Variants in ZC3H7A observed in about 807,000 individuals in gnomAD.
ZC3H7A encodes zinc finger CCCH domain-containing protein 7A.
A neutral mutation model predicts 125.5 loss-of-function variants in ZC3H7A; 44 were observed. That is an observed-to-expected ratio of 0.35 (90% CI 0.28 to 0.45). ZC3H7A has a LOEUF of 0.45. Among genes scored for constraint, ZC3H7A ranks in the 20% least tolerant of loss-of-function variants. The pLI is 1.00. For missense variants in ZC3H7A, 977 were observed against 1,170.7 expected (o/e 0.83, Z 2.41); for synonymous variants, 399 against 391.2 (o/e 1.02, Z -0.23).
In ZC3H7A at chr16:11,778,753, G is replaced by A. The variant is rs145252799; in HGVS notation, c.306+413C>T. Among the ~76,000 whole-genome samples the A allele has an allele frequency of 3.3e-3, 499 of 151,674 alleles. 2 individuals carry two copies. Among genetic ancestry groups the A allele is most frequent in the Middle Eastern group, 0.031 (9 of 294 alleles). ...TTTTGAGACGGAGTCTTGCTCTGTCGCCCAGGCTGGAGTGCAGTGGCACAA... is the reference window on the plus strand; with the variant it reads ...TTTTGAGACGGAGTCTTGCTCTGTCACCCAGGCTGGAGTGCAGTGGCACAA... On this transcript the variant is annotated intron_variant, in intron 4 of 22. Transcript: ENST00000355758.
Position 11,776,336 on chromosome 16 carries a change from C to G in ZC3H7A, c.569G>C (p.Gly190Ala), listed in dbSNP as rs1413748708. Residue 190 changes from glycine (G) to alanine (A), a missense_variant, in exon 7 of 23, where the codon GGG becomes GCG. Physicochemically the swap from Gly to Ala is moderately conservative, Grantham distance 60. This residue lies in a region of ZC3H7A where 199 missense variants were observed against 256.1 expected (regional missense o/e 0.78). Transcript: ENST00000355758. ...TAACTTTACCTTGGTAGCCCCATCC[C>G]CAGGAACTGATTTTAATGAGAGCTG... Reference protein sequence around the residue: ...RAELSLKSVPGDGATKALNHS... With the variant: ...RAELSLKSVPADGATKALNHS... 6.2e-7 allele frequency: 1 copy of G among 1,608,622 alleles called. No homozygotes were observed.
intron 8 of ZC3H7A, 144 bp downstream of exon 8, chr16:11,774,836 T>C (rs7206803): frequency 9.2e-5 from 97 of 1,051,328 alleles, no homozygotes; most frequent in Middle Eastern, 8.1e-4. Context: ...AAAGGGAGCA[T>C]TGGAAATCAT....
At chr16:11,773,058 G>C (rs2053014860) in intron 9 of ZC3H7A, among the ~76,000 whole-genome samples, 1 of 151,930 alleles carries the variant, frequency 6.6e-6, no homozygotes, top group Non-Finnish European at 1.5e-5. Flanking sequence ...GGTCCCTGTT[G>C]CAAGGACTCA....
At chr16:11,789,256 T>C (rs1156319864) in intron 1 of ZC3H7A, among the ~76,000 whole-genome samples, 2 of 152,170 alleles carry the variant, frequency 1.3e-5, no homozygotes, top group African/African-American at 2.4e-5. Context: ...TCTGTGTATA[T>C]GTTTGTTTGT....
At position 11,751,122 on chromosome 16, in the gene ZC3H7A, GC is replaced by G. The variant is rs2052546671; in HGVS notation, c.*194del. 1 of 516,564 alleles carries G rather than the reference GC, an allele frequency of 1.9e-6. No individual in the cohort carries two copies. Among genetic ancestry groups the G allele is most frequent in the Non-Finnish European group, 3.4e-6 (1 of 297,504 alleles). 32.0% of individuals were successfully genotyped at this position (516,564 alleles called of 1,614,324 possible). ...GGTAGCAGTCACTTCACCATCTGAT[GC>G]CAGTGGTTCCGTGAGAGCGTGGCCA... On this transcript the variant is annotated 3_prime_UTR_variant, in exon 23 of 23. Coordinates refer to ENST00000355758, the MANE Select transcript of ZC3H7A (RefSeq NM_014153.4).
chr16:11,768,575 A>G (rs534507368), intron 11 of ZC3H7A, 74 bp from the exon 12 acceptor site: 2 of 1,260,208 alleles, frequency 1.6e-6, no homozygotes, highest in African/African-American at 3.0e-5. Context: ...AAAGGAACTG[A>G]ATTCATCTGA....
chr16:11,755,079 GGC>G (rs2052619572), intron 21 of ZC3H7A, among the ~76,000 whole-genome samples: 1 of 150,900 alleles, frequency 6.6e-6, no homozygotes, highest in African/African-American at 2.4e-5. Context: ...CGTGGTGGCA[GGC>G]GCCTATAATC....
At chr16:11,758,837 A>G (rs1465830421) in intron 19 of ZC3H7A, 7 of 314,822 alleles carry the variant, frequency 2.2e-5, no homozygotes, top group Middle Eastern at 1.0e-3. Flanking sequence ...AATCTCCACA[A>G]TGAACATCCC....
chr16:11,783,386 A>T (rs1378183964), intron 1 of ZC3H7A, among the ~76,000 whole-genome samples: 1 of 152,172 alleles, frequency 6.6e-6, no homozygotes, highest in Non-Finnish European at 1.5e-5. Flanking sequence ...AAGTTCAAGG[A>T]GAGCCACAGA....
chr16:11,757,542 A>G (rs2052673239), intron 20 of ZC3H7A, among the ~76,000 whole-genome samples: 1 of 152,072 alleles, frequency 6.6e-6, no homozygotes, highest in Non-Finnish European at 1.5e-5. Flanking sequence ...CACTGTGCTA[A>G]AAACTCTGGT....
At chr16:11,757,695 G>C (rs557126768) in intron 20 of ZC3H7A, among the ~76,000 whole-genome samples, 2 of 151,990 alleles carry the variant, frequency 1.3e-5, no homozygotes, top group Non-Finnish European at 2.9e-5. Flanking sequence ...AGCCTGGTGC[G>C]CAAGGGCATC....
intron 1 of ZC3H7A, among the ~76,000 whole-genome samples, chr16:11,788,603 CTTTTT>C (rs1047339606): frequency 7.7e-5 from 8 of 103,380 alleles, no homozygotes; most frequent in African/African-American, 2.2e-4. Flanking sequence ...ATATTGCTTT[CTTTTT>C]TTTCTTTCTT....
At chr16:11,792,267 T>C (rs970587291) in intron 1 of ZC3H7A, among the ~76,000 whole-genome samples, 3 of 152,180 alleles carry the variant, frequency 2.0e-5, no homozygotes, top group African/African-American at 7.2e-5. Flanking sequence ...AAGAATTTCA[T>C]TAAATTAACT....
intron 1 of ZC3H7A, among the ~76,000 whole-genome samples, chr16:11,790,042 C>T (rs980010377): frequency 3.7e-5 from 5 of 135,370 alleles, no homozygotes; most frequent in Non-Finnish European, 4.6e-5. Flanking sequence ...GATCATGCCA[C>T]TGCATTCCAC....
intron 9 of ZC3H7A, among the ~76,000 whole-genome samples, chr16:11,772,055 G>A (rs2052992930): frequency 6.6e-6 from 1 of 152,018 alleles, no homozygotes; most frequent in Non-Finnish European, 1.5e-5. Flanking sequence ...AATTAGCCGG[G>A]CGTGGTAGCG....
chr16:11,768,352 T>A lies in ZC3H7A; in HGVS notation c.1323A>T (p.Glu441Asp). 6.3e-7 allele frequency: 1 copy of A among 1,584,454 alleles called. No individual in the cohort carries two copies. Among genetic ancestry groups the A allele is most frequent in the South Asian group, 1.2e-5 (1 of 85,618 alleles). Reference sequence around the variant, plus strand: ...AACAGATCTGGCAAGCTTGTCTCAATTCATGGGTTCCTTCGAGGGGATGTC... The same window carrying A: ...AACAGATCTGGCAAGCTTGTCTCAAATCATGGGTTCCTTCGAGGGGATGTC... ...TPRHPLEGTHELRQACQICFV... is the reference protein window; with the variant it reads ...TPRHPLEGTHDLRQACQICFV... The change falls in exon 12 of 23, where the codon GAA (glutamate) becomes GAT (aspartate). Residue 441 changes from glutamate to aspartate, a missense_variant. Around this residue, in one of 3 missense-constraint regions of ZC3H7A, gnomAD observed 342 missense variants for 311.3 expected, o/e 1.10. Coordinates refer to ENST00000355758, the MANE Select transcript of ZC3H7A (RefSeq NM_014153.4).
intron 20 of ZC3H7A, 83 bp downstream of exon 20, chr16:11,758,348 T>C: frequency 9.8e-7 from 1 of 1,015,564 alleles, no homozygotes; most frequent in East Asian, 2.4e-5. Flanking sequence ...CTTTCTGTGT[T>C]CACAGGAAGC....
chr16:11,783,796 T>A (rs2141212136), intron 1 of ZC3H7A, among the ~76,000 whole-genome samples: 1 of 152,264 alleles, frequency 6.6e-6, no homozygotes, highest in Non-Finnish European at 1.5e-5. Context: ...TTTTTCAAAG[T>A]ATAAGGGTGA....
At chr16:11,777,053 T>A (rs2053092356) in intron 4 of ZC3H7A, 144 bp from the exon 5 acceptor site, 9 of 618,154 alleles carry the variant, frequency 1.5e-5, no homozygotes, top group South Asian at 6.8e-5. Context: ...TTTTATTTTT[T>A]AAATTATTTT....
Sources: allele counts gnomAD v4.1 joint callset (sites outside exome capture counted in the v4.1 genomes callset), GRCh38; gene constraint gnomAD v4.1.1; regional missense constraint gnomAD v4.1.1; transcripts MANE v1.5; gene names NCBI Gene and HGNC (gene_info 2026-07-23, HGNC 2026-07-21).